The following INIP variants were observed in gnomAD, a reference collection of about 807,000 sequenced individuals.
The protein encoded by INIP is INTS3 and NABP interacting protein.
In INIP, 9 loss-of-function variants were observed where a neutral mutation model predicts 14.0. The observed-to-expected ratio is 0.64, with a 90% CI of 0.39 to 1.12. The LOEUF is 1.12. Among genes scored for constraint, INIP ranks in the 50% most tolerant of loss-of-function variants. The pLI is 0.01. For synonymous variants in INIP, 37 were observed against 41.5 expected, an observed-to-expected ratio of 0.89 and a Z score of 0.41; for missense variants, 78 against 122.7, an observed-to-expected ratio of 0.64 and a Z score of 1.72.
intron 2 of INIP, among the ~76,000 whole-genome samples, chr9:112,709,148 C>A (rs941918057): frequency 3.3e-5 from 5 of 151,940 alleles, no homozygotes; most frequent in African/African-American, 1.2e-4. Context: ...GATGATGTAT[C>A]TTCTGCTTGA....
intron 2 of INIP, among the ~76,000 whole-genome samples, chr9:112,709,372 G>GC (rs759253169): frequency 3.9e-5 from 6 of 151,990 alleles, no homozygotes; most frequent in Non-Finnish European, 7.4e-5. Context: ...CTACTGAAGG[G>GC]CGGTATGGGA....
At chr9:112,703,957 AT>A (rs1194996162) in intron 2 of INIP, among the ~76,000 whole-genome samples, 1 of 152,236 alleles carries the variant, frequency 6.6e-6, no homozygotes, top group Non-Finnish European at 1.5e-5. Context: ...AAGGGTGAAA[AT>A]AATAGGGTAT....
chr9:112,692,485 C>T (rs140289716), intron 3 of INIP, among the ~76,000 whole-genome samples: 5 of 151,972 alleles, frequency 3.3e-5, no homozygotes, highest in African/African-American at 7.2e-5. Context: ...GGTCTTGCCA[C>T]GTTGCCCAGG....
At chr9:112,715,406 T>C (rs576528312) in intron 2 of INIP, among the ~76,000 whole-genome samples, 1 of 152,328 alleles carries the variant, frequency 6.6e-6, no homozygotes, top group South Asian at 2.1e-4. Flanking sequence ...TAACCTTAGC[T>C]TACTGTAACT....
At chr9:112,715,773 CAA>C (rs767866943) in intron 2 of INIP, among the ~76,000 whole-genome samples, 16 of 107,542 alleles carry the variant, frequency 1.5e-4, no homozygotes, top group Admixed American at 1.9e-4. Context: ...AATTCCATCT[CAA>C]AAAAAAAAAA....
At position 112,684,571 on chromosome 9, in the gene INIP, A is replaced by G. The variant is rs974884574; in HGVS notation, c.*2967T>C. The G allele has an allele frequency of 1.3e-5, 2 of 152,126 alleles. No homozygotes were observed. Among genetic ancestry groups the G allele is most frequent in the Non-Finnish European group, 2.9e-5 (2 of 68,058 alleles). The allele number at this position is 152,126 out of a possible 1,614,324, so 9.4% of individuals were successfully genotyped here. A position where few individuals can be genotyped will look rare whatever the true frequency, so the allele number is the denominator to read the frequency against. ...GACTGTCTCTTAAAAAACCAACACA[A>G]TACAAAGTAAAATATAGGAACACAC... On this transcript the variant is annotated 3_prime_UTR_variant, in exon 5 of 5. Coordinates refer to ENST00000374242, the MANE Select transcript of INIP (RefSeq NM_021218.3).
chr9:112,698,303 CAAAAAAAA>C (rs755265359), intron 2 of INIP, among the ~76,000 whole-genome samples: 1 of 43,668 alleles, frequency 2.3e-5, no homozygotes, highest in Non-Finnish European at 4.2e-5. Flanking sequence ...GACTCTGTCT[CAAAAAAAA>C]AAAAAAAAAA....
intron 4 of INIP, among the ~76,000 whole-genome samples, chr9:112,688,140 C>T (rs1837750733): frequency 6.6e-6 from 1 of 150,496 alleles, no homozygotes; most frequent in African/African-American, 2.5e-5. Context: ...TTTTCTGCTG[C>T]TGGTTGTGTT....
Position 112,684,851 on chromosome 9 carries a change from C to T in INIP, c.*2687G>A, listed in dbSNP as rs1283866064. On this transcript the variant is annotated 3_prime_UTR_variant, in exon 5 of 5. Transcript: ENST00000374242. ...AGATATTAACTGAGTTCCTCAAATT[C>T]ACCCATGATCTGAGGGAAGCAATGC... The T allele has an allele frequency of 6.6e-6, 1 of 152,194 alleles. No homozygotes were observed. The highest frequency in any genetic ancestry group is 6.5e-5 in the Admixed American group (1 of 15,276). The allele number at this position is 152,194 out of a possible 1,614,324, so 9.4% of individuals were successfully genotyped here.
At position 112,703,477 on chromosome 9, in the gene INIP, C is replaced by T. The variant is rs188748168; in HGVS notation, c.26-9244G>A. ...CTCACATGTGTAATACCAGCACTTT[C>T]GGAGGCTGAAGTGGGAGGATCATTT... is the stretch of plus-strand genomic sequence containing the variant. On this transcript the variant is annotated intron_variant, in intron 2 of 4. Transcript: ENST00000374242. Among the ~76,000 whole-genome samples the T allele has an allele frequency of 2.6e-3, 396 of 152,140 alleles. 2 individuals are homozygous for T. Among genetic ancestry groups the T allele is most frequent in the Non-Finnish European group, 4.5e-3 (305 of 67,994 alleles).
chr9:112,706,021 C>T (rs972414272), intron 2 of INIP, among the ~76,000 whole-genome samples: 1 of 152,002 alleles, frequency 6.6e-6, no homozygotes, highest in African/African-American at 2.4e-5. Context: ...AGAGACCTGC[C>T]GCAGGGAAAA....
At chr9:112,714,931 C>T (rs1390541187) in intron 2 of INIP, among the ~76,000 whole-genome samples, 6 of 152,024 alleles carry the variant, frequency 3.9e-5, no homozygotes, top group African/African-American at 9.7e-5. Context: ...AGGCTACAAA[C>T]GTGTACAGCA....
In INIP at chr9:112,687,416, C is replaced by A; in HGVS notation, c.*122G>T. 1 of 626,190 alleles carries A rather than the reference C, an allele frequency of 1.6e-6. No individual in the cohort carries two copies. The highest frequency in any genetic ancestry group is 2.9e-6 in the Non-Finnish European group (1 of 345,390). 38.8% of individuals were successfully genotyped at this position (626,190 alleles called of 1,614,324 possible). ...CTTTCACTTACACATTCCTTTCTTT[C>A]AGACAAACAAAAAATATCAAAGTTC... On this transcript the variant is annotated 3_prime_UTR_variant, in exon 5 of 5. Coordinates refer to ENST00000374242, the MANE Select transcript of INIP (RefSeq NM_021218.3).
At chr9:112,705,138 T>C (rs1440123159) in intron 2 of INIP, among the ~76,000 whole-genome samples, 1 of 130,482 alleles carries the variant, frequency 7.7e-6, no homozygotes, top group African/African-American at 2.9e-5. Flanking sequence ...AAAAAAAGTA[T>C]AGAATGAATA....
intron 2 of INIP, among the ~76,000 whole-genome samples, chr9:112,700,465 AATTTCTCTCCC>A (rs1435200687): frequency 6.6e-6 from 1 of 150,926 alleles, no homozygotes; most frequent in Non-Finnish European, 1.5e-5. Context: ...ACTGAATGAC[AATTTCTCTCCC>A]ATTTTATCAG....
At chr9:112,706,153 A>G (rs780842207) in intron 2 of INIP, among the ~76,000 whole-genome samples, 4 of 151,482 alleles carry the variant, frequency 2.6e-5, no homozygotes, top group Non-Finnish European at 5.9e-5. Flanking sequence ...ACAGTGAGAT[A>G]TCATCTCACC....
chr9:112,694,347 C>T (rs1838004437), intron 2 of INIP, 114 bp from the exon 3 acceptor site: 2 of 647,078 alleles, frequency 3.1e-6, no homozygotes, highest in African/African-American at 1.9e-5. Context: ...AACTCCTATT[C>T]TCTAACATGA....
chr9:112,692,863 T>G (rs903186251), intron 3 of INIP, among the ~76,000 whole-genome samples: 5 of 151,076 alleles, frequency 3.3e-5, no homozygotes, highest in Non-Finnish European at 7.4e-5. Flanking sequence ...ACACAAGACC[T>G]CACTTGTTTC....
At chr9:112,688,838 T>C (rs1837776851) in intron 4 of INIP, among the ~76,000 whole-genome samples, 1 of 152,074 alleles carries the variant, frequency 6.6e-6, no homozygotes, top group African/African-American at 2.4e-5. Context: ...GCGTGAGACC[T>C]TGTCTCTAAA....
Sources: gnomAD v4.1 joint callset for allele counts (sites outside exome capture counted in the v4.1 genomes callset) on GRCh38, gnomAD v4.1.1 for gene constraint, MANE v1.5 for transcripts, NCBI Gene and HGNC (gene_info 2026-07-23, HGNC 2026-07-21) for gene names.